The following GRB2 variants were observed in gnomAD, a reference collection of about 807,000 sequenced individuals.
GRB2 encodes the protein growth factor receptor-bound protein 2.
Under a neutral mutation model 27.4 loss-of-function variants are expected in GRB2, and 2 were observed. The observed-to-expected ratio is 0.07, with a 90% CI of 0.03 to 0.23. GRB2 has a LOEUF of 0.23. GRB2 is among the 10% of genes least tolerant of loss of function. The pLI, the probability that GRB2 is intolerant of heterozygous loss-of-function variation, is 1.00. For missense variants in GRB2, 102 were observed against 282.4 expected, an observed-to-expected ratio of 0.36 and a Z score of 4.58; for synonymous variants, 94 against 99.6, an observed-to-expected ratio of 0.94 and a Z score of 0.33.
chr17:75,393,158 G>A (rs762831191), intron 2 of GRB2, among the ~76,000 whole-genome samples: 6 of 152,150 alleles, frequency 3.9e-5, no homozygotes, highest in Non-Finnish European at 7.4e-5. Flanking sequence ...GCTATACAAA[G>A]TAAGACTAAC....
intron 2 of GRB2, among the ~76,000 whole-genome samples, chr17:75,349,769 C>T (rs112538132): frequency 0.021 from 3,125 of 152,110 alleles, 44 homozygotes; most frequent in Middle Eastern, 0.054. Context: ...ATCCACCCGC[C>T]TCAGCCTCCC....
chr17:75,374,585 G>A (rs2078879612), intron 2 of GRB2, among the ~76,000 whole-genome samples: 1 of 151,742 alleles, frequency 6.6e-6, no homozygotes, highest in African/African-American at 2.4e-5. Flanking sequence ...CTAGCCGAGT[G>A]TGGTGGCACA....
In GRB2 at chr17:75,372,444, A is replaced by G. The variant is rs1468677508; in HGVS notation, c.78+21107T>C. The G allele has an allele frequency of 2.6e-5, 4 of 152,352 alleles. No individual in the cohort carries two copies. In the East Asian group the frequency reaches 7.7e-4, roughly 29 times the overall value. 9.4% of individuals were successfully genotyped at this position (152,352 alleles called of 1,614,324 possible). On this transcript the variant is annotated intron_variant, in intron 2 of 5. Transcript: ENST00000316804. ...CAGTTTACTTTCCACTCCCATCCCA[A>G]TTCTGCCCAAGGGCTTCACCTCCAA...
At position 75,321,665 on chromosome 17, in the gene GRB2, C is replaced by T. The variant is rs116696769; in HGVS notation, c.462G>A (p.Val154=). 1.3e-4 allele frequency: 203 copies of T among 1,613,976 alleles called. 1 individual carries two copies. The African/African-American group carries it at 2.5e-3, about 20-fold the overall frequency. ...QQIFLRDIEQ[V]PQQPTYVQAL... is the part of the protein sequence containing the mutation. ...TCACCCTGATGAGGCTTACCTGTGG[C>T]ACCTGTTCTATGTCCCGCAGGAATA... is the stretch of plus-strand genomic sequence containing the variant. Residue 154 remains valine (V), a synonymous_variant, in exon 5 of 6, where the codon GTG becomes GTA. Transcript: ENST00000316804.
intron 2 of GRB2, among the ~76,000 whole-genome samples, chr17:75,365,658 GA>G (rs1285300106): frequency 1.3e-5 from 2 of 151,076 alleles, no homozygotes; most frequent in African/African-American, 4.9e-5. Context: ...AAAGAAAAAA[GA>G]AAGTACAATG....
chr17:75,374,539 G>A (rs2078879130), intron 2 of GRB2, among the ~76,000 whole-genome samples: 1 of 151,898 alleles, frequency 6.6e-6, no homozygotes, highest in African/African-American at 2.4e-5. Context: ...AGATTAGCCT[G>A]GCAACATGGA....
chr17:75,402,645 CTAATTT>C (rs940261649), intron 1 of GRB2, among the ~76,000 whole-genome samples: 3 of 152,076 alleles, frequency 2.0e-5, no homozygotes, highest in African/African-American at 7.2e-5. Context: ...CTACCAGAAC[CTAATTT>C]TAAAAAGATC....
intron 2 of GRB2, among the ~76,000 whole-genome samples, chr17:75,383,541 C>T (rs1484089487): frequency 6.6e-6 from 1 of 152,166 alleles, no homozygotes; most frequent in Non-Finnish European, 1.5e-5. Flanking sequence ...ATGCTAGTTA[C>T]TGCTTTAAAA....
At chr17:75,337,907 T>C (rs1469797) in intron 2 of GRB2, among the ~76,000 whole-genome samples, 51,247 of 103,082 alleles carry the variant, frequency 0.5, 13,411 homozygotes, top group East Asian at 0.77. Flanking sequence ...ACTACTATTA[T>C]TATTATTATT....
chr17:75,398,923 T>C (rs149478996), intron 1 of GRB2, among the ~76,000 whole-genome samples: 67 of 152,046 alleles, frequency 4.4e-4, no homozygotes, highest in Middle Eastern at 3.4e-3. Flanking sequence ...GATTTTTCTA[T>C]TTTTAATAGA....
intron 2 of GRB2, among the ~76,000 whole-genome samples, chr17:75,389,184 T>A (rs1483712652): frequency 6.6e-6 from 1 of 152,166 alleles, no homozygotes; most frequent in Non-Finnish European, 1.5e-5. Flanking sequence ...GCTCCAACTC[T>A]ACCTTATTTT....
intron 2 of GRB2, among the ~76,000 whole-genome samples, chr17:75,375,261 G>C (rs1417792893): frequency 6.6e-6 from 1 of 151,968 alleles, no homozygotes; most frequent in Non-Finnish European, 1.5e-5. Context: ...ACATTCTATG[G>C]CTGATCTTTC....
chr17:75,401,415 G>A (rs1268293241), intron 1 of GRB2, among the ~76,000 whole-genome samples: 1 of 134,142 alleles, frequency 7.5e-6, no homozygotes, highest in East Asian at 2.2e-4. Flanking sequence ...ACTGCAGTCC[G>A]CAGTCCGGCC....
intron 2 of GRB2, among the ~76,000 whole-genome samples, chr17:75,375,047 C>G (rs574106506): frequency 1.3e-5 from 2 of 152,124 alleles, no homozygotes; most frequent in South Asian, 4.2e-4. Flanking sequence ...AGATGTGTGC[C>G]ACCACGATTG....
chr17:75,321,495 G>A (rs930520724), intron 5 of GRB2, among the ~76,000 whole-genome samples, 164 bp downstream of exon 5: 1 of 152,016 alleles, frequency 6.6e-6, no homozygotes, highest in African/African-American at 2.4e-5. Context: ...GAACTCTTTA[G>A]TGTGAATGGA....
At chr17:75,357,393 T>C (rs2078740222) in intron 2 of GRB2, among the ~76,000 whole-genome samples, 1 of 152,218 alleles carries the variant, frequency 6.6e-6, no homozygotes, top group African/African-American at 2.4e-5. Context: ...CGTATCAATA[T>C]TGGCTCATTA....
intron 1 of GRB2, among the ~76,000 whole-genome samples, chr17:75,400,226 T>G (rs1197030696): frequency 1.3e-5 from 2 of 152,146 alleles, no homozygotes; most frequent in African/African-American, 4.8e-5. Flanking sequence ...CAGGCTGAAG[T>G]GCAATGGCAC....
chr17:75,353,875 C>T (rs2078710575), intron 2 of GRB2, among the ~76,000 whole-genome samples: 1 of 150,370 alleles, frequency 6.7e-6, no homozygotes, highest in African/African-American at 2.5e-5. Flanking sequence ...TCCGTCTCTA[C>T]TAAAAATACA....
At chr17:75,333,989 T>C (rs117233807) in intron 2 of GRB2, among the ~76,000 whole-genome samples, 1 of 152,320 alleles carries the variant, frequency 6.6e-6, no homozygotes, top group East Asian at 1.9e-4. Context: ...TACCAGGCCA[T>C]GCATAGGCTA....
Sources: gnomAD v4.1 joint callset for allele counts (sites outside exome capture counted in the v4.1 genomes callset) on GRCh38, gnomAD v4.1.1 for gene constraint, MANE v1.5 for transcripts, NCBI Gene and HGNC (gene_info 2026-07-23, HGNC 2026-07-21) for gene names.